The following MAGED1 variants were observed in gnomAD, a reference collection of about 807,000 sequenced individuals.
MAGED1 encodes melanoma-associated antigen D1.
Under a neutral mutation model 54.1 loss-of-function variants are expected in MAGED1, and 3 were observed. The ratio of observed to expected loss-of-function variants is 0.06; its 90% CI spans 0.03 to 0.14. The LOEUF is 0.14. MAGED1 is among the 10% of genes least tolerant of loss of function. The pLI is 1.00. For missense variants in MAGED1, 485 were observed against 623.4 expected (o/e 0.78, Z 2.36); for synonymous variants, 217 against 227.3 (o/e 0.95, Z 0.41).
rs951025985 is a variant in MAGED1, at chrX:51,829,469, A to G, written c.-37+26352A>G. Among the ~76,000 whole-genome samples the G allele has an allele frequency of 8.1e-5, 9 of 110,958 alleles. No individual in the cohort carries two copies. In the East Asian group the frequency reaches 2.5e-3, roughly 31 times the overall value. Reference sequence around the variant, plus strand: ...AGAATAAAATAAAATACCAACACCAAAAACAAACCATTAATTTTTTATAGA... The same window carrying G: ...AGAATAAAATAAAATACCAACACCAGAAACAAACCATTAATTTTTTATAGA... On this transcript the variant is annotated intron_variant, in intron 1 of 12. Transcript: ENST00000375772.
intron 1 of MAGED1, among the ~76,000 whole-genome samples, chrX:51,886,483 G>C (rs1928236911): frequency 1.8e-5 from 2 of 110,707 alleles, no homozygotes; most frequent in African/African-American, 6.6e-5. Context: ...ATCTAAGCAT[G>C]CTTCTTAAAA....
chrX:51,868,918 A>T (rs1927555401), intron 1 of MAGED1, among the ~76,000 whole-genome samples: 1 of 111,814 alleles, frequency 8.9e-6, no homozygotes, highest in African/African-American at 3.3e-5. Flanking sequence ...AGTCAATGAA[A>T]ATGTGATAAT....
intron 5 of MAGED1, 104 bp from the exon 6 acceptor site, chrX:51,897,443 C>A: frequency 1.2e-6 from 1 of 802,044 alleles, no homozygotes; most frequent in South Asian, 2.3e-5. Flanking sequence ...TGGCTCTTTC[C>A]ACCCTTGAGG....
At chrX:51,813,816 C>G (rs1412860045) in intron 1 of MAGED1, among the ~76,000 whole-genome samples, 2 of 111,751 alleles carry the variant, frequency 1.8e-5, no homozygotes, top group Admixed American at 1.9e-4. Flanking sequence ...AACATTGAGC[C>G]TGCAAGGGTA....
In MAGED1 at chrX:51,896,852, A is replaced by G; in HGVS notation, c.1197A>G (p.Gln399=). ...GCTGGCAGGGTCCTCCAGACTGGCA[A>G]GGTCCTCCTGACTGGCCGCTACCAC... The part of the protein sequence containing the change: ...PPGWQGPPDW[Q]GPPDWPLPPD... Residue 399 remains glutamine (Q), a synonymous_variant, in exon 4 of 13, where the codon CAA becomes CAG. Coordinates refer to ENST00000326587, the MANE Select transcript of MAGED1 (RefSeq NM_006986.4). 1.7e-6 allele frequency: 2 copies of G among 1,203,166 alleles called. No homozygotes were observed. The highest frequency in any genetic ancestry group is 2.2e-6 in the Non-Finnish European group (2 of 891,163).
At chrX:51,803,357 G>T (rs781947023) in intron 1 of MAGED1, among the ~76,000 whole-genome samples, 1 of 109,885 alleles carries the variant, frequency 9.1e-6, no homozygotes, top group Non-Finnish European at 1.9e-5. Flanking sequence ...TTAACCGCTT[G>T]ACTCCTGGTC....
At chrX:51,862,264 A>G (rs905115528) in intron 1 of MAGED1, among the ~76,000 whole-genome samples, 4 of 111,877 alleles carry the variant, frequency 3.6e-5, no homozygotes, top group African/African-American at 1.3e-4. Context: ...TGTGAGCTCC[A>G]TAAGGACACA....
chrX:51,893,072 G>T (rs887090781), upstream of MAGED1, among the ~76,000 whole-genome samples: 3 of 110,680 alleles, frequency 2.7e-5, no homozygotes, highest in African/African-American at 9.9e-5. Context: ...GGGAGCTTGT[G>T]GGGGCGGGCA....
rs58934297 is a variant in MAGED1, at chrX:51,824,862, CTGTGTGTG to C, written c.-37+21777_-37+21784del. Reference sequence around the variant, plus strand: ...CACAGACACACACAGTCTCAGAAACCTGTGTGTGTGTGTGTGTGTGTGTGTGTGTGTGT... The same window carrying C: ...CACAGACACACACAGTCTCAGAAACCTGTGTGTGTGTGTGTGTGTGTGTGT... On this transcript the variant is annotated intron_variant, in intron 1 of 12. Transcript: ENST00000375772. 3.7e-3 allele frequency among the ~76,000 whole-genome samples: 266 copies of C among 72,642 alleles called. 1 individual carries two copies. The highest frequency in any genetic ancestry group is 0.013 in the African/African-American group (242 of 19,161). 63.1% of individuals were successfully genotyped at this position (72,642 alleles called of 115,157 possible).
chrX:51,900,885 C>G (rs1557364882), intron 11 of MAGED1, among the ~76,000 whole-genome samples: 3 of 112,554 alleles, frequency 2.7e-5, no homozygotes, highest in Non-Finnish European at 5.6e-5. Flanking sequence ...CTGCCTGCCT[C>G]AGCCTCCCAA....
upstream of MAGED1, among the ~76,000 whole-genome samples, chrX:51,890,261 GCAC>G (rs1928387492): frequency 8.9e-6 from 1 of 112,577 alleles, no homozygotes; most frequent in Non-Finnish European, 1.9e-5. Flanking sequence ...GGGGAATTAA[GCAC>G]TGGCCATACA....
rs782458960 is a variant in MAGED1, at chrX:51,809,178, G to C, written c.-37+6061G>C. ...CGCCCAGGCTAGAGTGCAGTGGCGC[G>C]ATCTCTGCTCACTGCAATCTCCGCC... On this transcript the variant is annotated intron_variant, in intron 1 of 12. Transcript: ENST00000375772. Among the ~76,000 whole-genome samples the C allele has an allele frequency of 4.5e-5, 5 of 110,763 alleles. No individual in the cohort carries two copies. The South Asian group carries it at 1.5e-3, about 34-fold the overall frequency.
chrX:51,901,945 A>G lies in MAGED1; in HGVS notation c.*8+7A>G, dbSNP rs1929043726. 1 of 1,192,049 alleles carries G rather than the reference A, an allele frequency of 8.4e-7. No homozygotes were observed. Among genetic ancestry groups the G allele is most frequent in the Non-Finnish European group, 1.1e-6 (1 of 884,855 alleles). On this transcript the variant is annotated splice_region_variant and intron_variant, in intron 12 of 12. Transcript: ENST00000326587. ...GGGTTGAGTGAGATGTTGGGTAGGT[A>G]CATCACTTTGGATTGGGCAGTTAGG...
At chrX:51,845,869 A>C (rs1926669906) in intron 1 of MAGED1, among the ~76,000 whole-genome samples, 1 of 110,954 alleles carries the variant, frequency 9.0e-6, no homozygotes. Context: ...TCTATCTCCC[A>C]AGTTCAGGTG....
At chrX:51,866,284 T>TAAA (rs2146990962) in intron 1 of MAGED1, among the ~76,000 whole-genome samples, 1 of 112,193 alleles carries the variant, frequency 8.9e-6, no homozygotes, top group East Asian at 2.8e-4. Context: ...ATGATCACTT[T>TAAA]GTGGGCCTTG....
intron 1 of MAGED1, among the ~76,000 whole-genome samples, chrX:51,863,550 C>A (rs1927356888): frequency 8.9e-6 from 1 of 111,859 alleles, no homozygotes; most frequent in African/African-American, 3.3e-5. Flanking sequence ...GGGGGAACCT[C>A]CATACTGTTT....
chrX:51,890,028 C>T (rs1231500251), upstream of MAGED1, among the ~76,000 whole-genome samples: 11 of 112,374 alleles, frequency 9.8e-5, no homozygotes, highest in Non-Finnish European at 1.7e-4. Flanking sequence ...GGCCTTGGCC[C>T]ACACTGGATA....
At chrX:51,874,351 G>A in intron 1 of MAGED1, among the ~76,000 whole-genome samples, 1 of 111,309 alleles carries the variant, frequency 9.0e-6, no homozygotes, top group Non-Finnish European at 1.9e-5. Flanking sequence ...GTAAAAGCAG[G>A]GAGGAAGTAA....
At chrX:51,847,640 G>A (rs781958848) in intron 1 of MAGED1, among the ~76,000 whole-genome samples, 2 of 111,029 alleles carry the variant, frequency 1.8e-5, no homozygotes, top group African/African-American at 3.3e-5. Flanking sequence ...CACAGGAACC[G>A]AAGATGAAGA....
Sources: allele counts gnomAD v4.1 joint callset (sites outside exome capture counted in the v4.1 genomes callset), GRCh38; gene constraint gnomAD v4.1.1; transcripts MANE v1.5; gene names NCBI Gene and HGNC (gene_info 2026-07-23, HGNC 2026-07-21).